The following DNAJB1 variants were observed in gnomAD, a reference collection of about 807,000 sequenced individuals.
DNAJB1 encodes DnaJ heat shock protein family (Hsp40) member B1.
DNAJB1 carries 14 observed loss-of-function variants against 24.0 expected under a neutral mutation model. That is an observed-to-expected ratio of 0.58 (90% CI 0.39 to 0.91). The LOEUF is 0.91. Among genes scored for constraint, DNAJB1 ranks in the 40% least tolerant of loss-of-function variants. DNAJB1 has a pLI of 0.00. For missense variants in DNAJB1, 517 were observed against 458.1 expected (o/e 1.13, Z -1.17); for synonymous variants, 262 against 174.4 (o/e 1.50, Z -3.96).
chr19:14,534,573 T>A (rs1023423926), upstream of DNAJB1, among the ~76,000 whole-genome samples: 16 of 151,168 alleles, frequency 1.1e-4, no homozygotes, highest in Non-Finnish European at 1.5e-5. Flanking sequence ...GTAGCTGTTA[T>A]TACAGGTGGG....
In DNAJB1 at chr19:14,516,089, C is replaced by A. The variant is rs1263313620; in HGVS notation, c.874G>T (p.Gly292Cys). ...TCTCCAGGAACTTTTCGCCGCATGC[C>A]AGGCCTGATAACATCTTTGAATACG... ...PVVFKDVIRP[G>C]MRRKVPGEGL... Residue 292 changes from glycine to cysteine, a missense_variant, in exon 3 of 3, where the codon GGC becomes TGC. Physicochemically the swap from Gly to Cys is radical, Grantham distance 159. Transcript: ENST00000254322. The A allele has an allele frequency of 1.9e-6, 3 of 1,613,944 alleles. No homozygotes were observed. In the Admixed American group the frequency reaches 5.0e-5, roughly 27 times the overall value.
upstream of DNAJB1, among the ~76,000 whole-genome samples, chr19:14,534,207 CTCCGCCTCCCGGGT>C (rs2072778321): frequency 6.6e-6 from 1 of 151,758 alleles, no homozygotes; most frequent in Non-Finnish European, 1.5e-5. Flanking sequence ...TCACTGTAAG[CTCCGCCTCCCGGGT>C]TCACGCCATT....
At chr19:14,517,117 G>A (rs1324695543) in intron 1 of DNAJB1, 71 bp from the exon 2 acceptor site, 4 of 1,496,678 alleles carry the variant, frequency 2.7e-6, no homozygotes, top group South Asian at 1.3e-5. Flanking sequence ...CTTACAGGGG[G>A]AAACAGCTTG....
At chr19:14,539,751 G>A (rs2073032088) in intron 1 of DNAJB1, among the ~76,000 whole-genome samples, 1 of 152,084 alleles carries the variant, frequency 6.6e-6, no homozygotes, top group African/African-American at 2.4e-5. Flanking sequence ...GTTACCGAGC[G>A]CTCAGCTTCC....
upstream of DNAJB1, chr19:14,529,989 C>G (rs2072563032): frequency 1.8e-6 from 1 of 552,018 alleles, no homozygotes; most frequent in Non-Finnish European, 3.3e-6. Flanking sequence ...TTGCAGCTCC[C>G]CCAGCGGGCT....
At chr19:14,546,841 C>G (rs1339815926) in intron 1 of DNAJB1, among the ~76,000 whole-genome samples, 1 of 152,118 alleles carries the variant, frequency 6.6e-6, no homozygotes, top group Non-Finnish European at 1.5e-5. Flanking sequence ...AGGTGCACAC[C>G]ACTACGCCCA....
intron 1 of DNAJB1, among the ~76,000 whole-genome samples, chr19:14,537,408 G>T (rs1284399683): frequency 6.6e-6 from 1 of 151,724 alleles, no homozygotes; most frequent in Admixed American, 6.6e-5. Flanking sequence ...GGCTCCACCA[G>T]CTGGGCCCAG....
In DNAJB1 at chr19:14,545,309, T is replaced by C. The variant is rs1370575386; in HGVS notation, c.-214+4899A>G. 47 of 417,252 alleles carry C rather than the reference T, an allele frequency of 1.1e-4. No homozygotes were observed. The East Asian group carries it at 2.9e-3, about 25-fold the overall frequency. 25.8% of individuals were successfully genotyped at this position (417,252 alleles called of 1,614,324 possible). A position where few individuals can be genotyped will look rare whatever the true frequency, so the allele number is the denominator to read the frequency against. On this transcript the variant is annotated intron_variant, in intron 1 of 3. Transcript: ENST00000676982. ...AAGCTCTGTGCTACCCCAGGGCCTT[T>C]GCATTCCCCGCCAGGGAGCCTCATG...
intron 1 of DNAJB1, among the ~76,000 whole-genome samples, chr19:14,539,273 C>T (rs1016753829): frequency 6.7e-6 from 1 of 150,080 alleles, no homozygotes; most frequent in African/African-American, 2.5e-5. Context: ...GGATTACAGG[C>T]GTGAGCCACC....
At chr19:14,528,831 C>T (rs916066451) in intron 1 of DNAJB1, among the ~76,000 whole-genome samples, 2 of 152,104 alleles carry the variant, frequency 1.3e-5, no homozygotes, top group Admixed American at 6.6e-5. Context: ...GTAATCTCAT[C>T]TACTTGGGAG....
chr19:14,516,310 G>C, intron 2 of DNAJB1, 140 bp from the exon 3 acceptor site: 2 of 1,269,492 alleles, frequency 1.6e-6, no homozygotes, highest in South Asian at 2.7e-5. Flanking sequence ...TCCCCACCAC[G>C]AAAGCTCCAC....
chr19:14,518,085 C>A (rs1024293029), intron 1 of DNAJB1, 54 bp downstream of exon 1: 1 of 1,386,578 alleles, frequency 7.2e-7, no homozygotes, highest in South Asian at 1.6e-5. Flanking sequence ...CAGCGTGCCT[C>A]AGTTTCCCTG....
intron 1 of DNAJB1, among the ~76,000 whole-genome samples, chr19:14,543,605 A>AT (rs1477917560): frequency 2.1e-5 from 3 of 145,366 alleles, no homozygotes; most frequent in African/African-American, 7.6e-5. Context: ...CGCCCGGCTA[A>AT]TTTTTTGTAT....
At chr19:14,528,375 G>A (rs1326906001) in intron 1 of DNAJB1, among the ~76,000 whole-genome samples, 4 of 151,822 alleles carry the variant, frequency 2.6e-5, no homozygotes, top group Non-Finnish European at 1.5e-5. Flanking sequence ...GATTAGCTGG[G>A]ACTACAGGTG....
chr19:14,522,755 C>T (rs1329349993), upstream of DNAJB1, among the ~76,000 whole-genome samples: 1 of 151,070 alleles, frequency 6.6e-6, no homozygotes, highest in African/African-American at 2.4e-5. Context: ...GGCTCTGTGT[C>T]TTTGGTAAAA....
intron 2 of DNAJB1, 130 bp downstream of exon 2, chr19:14,516,336 A>T: frequency 3.2e-6 from 4 of 1,261,840 alleles, no homozygotes; most frequent in Non-Finnish European, 4.4e-6. Context: ...CGCCCTGGTC[A>T]GTCCTGTTCA....
chr19:14,523,561 C>G (rs936283169), intron 2 of DNAJB1, among the ~76,000 whole-genome samples: 2 of 151,560 alleles, frequency 1.3e-5, no homozygotes, highest in Non-Finnish European at 2.9e-5. Flanking sequence ...ATCCACCCAC[C>G]TTGGCCTCCC....
intron 1 of DNAJB1, among the ~76,000 whole-genome samples, chr19:14,558,464 C>G (rs1191721794): frequency 6.6e-6 from 1 of 152,182 alleles, no homozygotes; most frequent in African/African-American, 2.4e-5. Context: ...TTGGCTCTGC[C>G]CTGACCTCGT....
In DNAJB1 at chr19:14,543,376, C is replaced by T. The variant is rs376416383; in HGVS notation, c.-214+6832G>A. Among the ~76,000 whole-genome samples, 123 of 100,188 alleles carry T rather than the reference C, an allele frequency of 1.2e-3. 2 individuals are homozygous for T. The East Asian group carries it at 0.036, about 30-fold the overall frequency. The allele number at this position is 100,188 out of a possible 152,430, so 65.7% of individuals were successfully genotyped here. On this transcript the variant is annotated intron_variant, in intron 1 of 3. Transcript: ENST00000676982. ...GAAACAGTGTATTGCCTGTATACTA[C>T]TTGTTTCAGAGAATATATATATATA...
Sources: allele counts gnomAD v4.1 joint callset (sites outside exome capture counted in the v4.1 genomes callset), GRCh38; gene constraint gnomAD v4.1.1; transcripts MANE v1.5; gene names NCBI Gene and HGNC (gene_info 2026-07-23, HGNC 2026-07-21).